The following AQP3 variants were observed in gnomAD, a reference collection of about 807,000 sequenced individuals.
AQP3 encodes aquaporin 3 (Gill blood group).
In AQP3, 15 loss-of-function variants were observed where a neutral mutation model predicts 30.3. The observed-to-expected ratio is 0.49, with a 90% CI of 0.33 to 0.76. The LOEUF is 0.76. AQP3 is among the 30% of genes least tolerant of loss of function. AQP3 has a pLI of 0.02. For missense variants in AQP3, 272 were observed against 384.8 expected (o/e 0.71, Z 2.45); for synonymous variants, 153 against 163.2 (o/e 0.94, Z 0.47).
intron 1 of AQP3, among the ~76,000 whole-genome samples, chr9:33,445,039 C>T (rs1003421658): frequency 6.6e-6 from 1 of 152,066 alleles, no homozygotes; most frequent in African/African-American, 2.4e-5. Context: ...GTGGCTCACA[C>T]CTGTAATCCC....
rs2118968897 is a variant in AQP3 at position 33,443,057 on chromosome 9, G to A, written c.374-87C>T. The A allele has an allele frequency of 1.5e-6, 2 of 1,297,256 alleles. No individual in the cohort carries two copies. The highest frequency in any genetic ancestry group is 1.5e-5 in the African/African-American group (1 of 68,288). The allele number at this position is 1,297,256 out of a possible 1,614,324, so 80.4% of individuals were successfully genotyped here. A position where few individuals can be genotyped will look rare whatever the true frequency, so the allele number is the denominator to read the frequency against. On this transcript the variant is annotated intron_variant, in intron 3 of 5. Coordinates refer to ENST00000297991, the MANE Select transcript of AQP3 (RefSeq NM_004925.5). This position sits in a 1 kb window ranked among gnomAD's most constrained non-coding sequence, Gnocchi z 5.0. Reference sequence around the variant, plus strand: ...AGGTGTGCCCTCCCCACCCTCCCATGAGTTATGGGTAAGTAGCAATACTGC... The same window carrying A: ...AGGTGTGCCCTCCCCACCCTCCCATAAGTTATGGGTAAGTAGCAATACTGC...
rs1826850373 is a variant in AQP3 at position 33,442,408 on chromosome 9, G to GACCAGGACC, written c.594_602dup (p.Val199_Val201dup). On this transcript the variant is annotated inframe_insertion, in exon 5 of 6. Coordinates refer to ENST00000297991, the MANE Select transcript of AQP3 (RefSeq NM_004925.5). ...AGTTGAAGCCCATGGAGGTGCCAAT[G>GACCAGGACC]ACCAGGACCACCAGGCCCACGGTGA... 1 of 1,611,734 alleles carries GACCAGGACC rather than the reference G, an allele frequency of 6.2e-7. No individual in the cohort carries two copies. Among genetic ancestry groups the GACCAGGACC allele is most frequent in the Non-Finnish European group, 8.5e-7 (1 of 1,179,344 alleles).
In AQP3 at chr9:33,443,059, G is replaced by T; in HGVS notation, c.374-89C>A. The stretch of plus-strand genomic sequence containing the variant: ...GTGTGCCCTCCCCACCCTCCCATGA[G>T]TTATGGGTAAGTAGCAATACTGCTG... On this transcript the variant is annotated intron_variant, in intron 3 of 5. Transcript: ENST00000297991. The surrounding 1 kb of genome is among the most constrained non-coding windows in gnomAD (Gnocchi z 5.0). 1.6e-6 allele frequency: 2 copies of T among 1,288,508 alleles called. No individual in the cohort carries two copies. Among genetic ancestry groups the T allele is most frequent in the South Asian group, 1.2e-5 (1 of 83,702 alleles). The allele number at this position is 1,288,508 out of a possible 1,614,324, so 79.8% of individuals were successfully genotyped here.
chr9:33,442,732 A>G, intron 4 of AQP3, 120 bp downstream of exon 4: 1 of 1,146,296 alleles, frequency 8.7e-7, no homozygotes, highest in South Asian at 1.2e-5. Context: ...GATGCGGGTT[A>G]CCCCACAGAT....
In AQP3 at chr9:33,442,108, G is replaced by C; in HGVS notation, c.814C>G (p.Pro272Ala). 7 of 1,613,822 alleles carry C rather than the reference G, an allele frequency of 4.3e-6. No homozygotes were observed. The highest frequency in any genetic ancestry group is 5.9e-6 in the Non-Finnish European group (7 of 1,180,030). The change falls in exon 6 of 6, where the codon CCC (proline) becomes GCC (alanine). Residue 272 changes from proline to alanine, a missense_variant. Physicochemically the swap from Pro to Ala is conservative, Grantham distance 27. This residue lies in a region of AQP3 where 51 missense variants were observed against 51.8 expected (regional missense o/e 0.98). Coordinates refer to ENST00000297991, the MANE Select transcript of AQP3 (RefSeq NM_004925.5). ...QLMIGCHLEQ[P>A]PPSNEEENVK... ...TTCTCTTCCTCGTTGGAGGGTGGGG[G>C]CTGCTCCAGGTGGCAGCCGATCATC...
At chr9:33,445,472 G>C (rs1826900916) in intron 1 of AQP3, among the ~76,000 whole-genome samples, 1 of 152,230 alleles carries the variant, frequency 6.6e-6, no homozygotes, top group Non-Finnish European at 1.5e-5. Flanking sequence ...GCAGGCAGGT[G>C]AGAGCAAAGA....
chr9:33,443,047 A>T lies in AQP3; in HGVS notation c.374-77T>A. 7.3e-7 allele frequency: 1 copy of T among 1,370,414 alleles called. No individual in the cohort carries two copies. The highest frequency in any genetic ancestry group is 1.2e-5 in the South Asian group (1 of 85,758). 84.9% of individuals were successfully genotyped at this position (1,370,414 alleles called of 1,614,324 possible). ...CTTCCCTCTCAGGTGTGCCCTCCCCACCCTCCCATGAGTTATGGGTAAGTA... is the reference window on the plus strand; with the variant it reads ...CTTCCCTCTCAGGTGTGCCCTCCCCTCCCTCCCATGAGTTATGGGTAAGTA... On this transcript the variant is annotated intron_variant, in intron 3 of 5. Coordinates refer to ENST00000297991, the MANE Select transcript of AQP3 (RefSeq NM_004925.5). This position sits in a 1 kb window ranked among gnomAD's most constrained non-coding sequence, Gnocchi z 5.0.
In AQP3 at chr9:33,443,036, G is replaced by C; in HGVS notation, c.374-66C>G. ...CTGAGCCCAGACTTCCCTCTCAGGT[G>C]TGCCCTCCCCACCCTCCCATGAGTT... On this transcript the variant is annotated intron_variant, in intron 3 of 5. Coordinates refer to ENST00000297991, the MANE Select transcript of AQP3 (RefSeq NM_004925.5). The surrounding 1 kb of genome is among the most constrained non-coding windows in gnomAD (Gnocchi z 5.0). 6.9e-7 allele frequency: 1 copy of C among 1,457,322 alleles called. No individual in the cohort carries two copies. Among genetic ancestry groups the C allele is most frequent in the East Asian group, 2.3e-5 (1 of 44,024 alleles). 90.3% of individuals were successfully genotyped at this position (1,457,322 alleles called of 1,614,324 possible).
chr9:33,444,439 A>T (rs1826886837), intron 1 of AQP3, among the ~76,000 whole-genome samples: 2 of 152,194 alleles, frequency 1.3e-5, no homozygotes, highest in South Asian at 4.1e-4. Flanking sequence ...ATCTCTACTA[A>T]AAGTACAAAA....
intron 1 of AQP3, among the ~76,000 whole-genome samples, chr9:33,447,192 G>A (rs1202522026): frequency 6.6e-6 from 1 of 152,204 alleles, no homozygotes; most frequent in Non-Finnish European, 1.5e-5. Context: ...CACTATCACT[G>A]GGGAGTAACA....
Position 33,447,409 on chromosome 9 carries a change from C to A in AQP3, c.108+14G>T, listed in dbSNP as rs551882387. On this transcript the variant is annotated intron_variant, in intron 1 of 5. Coordinates refer to ENST00000297991, the MANE Select transcript of AQP3 (RefSeq NM_004925.5). ...GCTGGAGAGAGAAGGGCTTCCCCGG[C>A]TCCCTCCACTCACCACCAGGATGAG... The A allele has an allele frequency of 1.3e-6, 2 of 1,578,790 alleles. No homozygotes were observed. Among genetic ancestry groups the A allele is most frequent in the South Asian group, 2.3e-5 (2 of 87,210 alleles).
At chr9:33,444,136 C>T (rs566587267) in intron 1 of AQP3, among the ~76,000 whole-genome samples, 2 of 152,304 alleles carry the variant, frequency 1.3e-5, no homozygotes, top group South Asian at 2.1e-4. Context: ...GCAGGGTCTG[C>T]GACTGGGATC....
rs2231226 is a variant in AQP3, at chr9:33,447,380, A to G, written c.108+43T>C. The G allele has an allele frequency of 9.0e-3, 13,504 of 1,503,586 alleles. 68 individuals carry two copies. Among genetic ancestry groups the G allele is most frequent in the Non-Finnish European group, 0.011 (12,244 of 1,099,696 alleles). The allele number at this position is 1,503,586 out of a possible 1,614,324, so 93.1% of individuals were successfully genotyped here. A position where few individuals can be genotyped will look rare whatever the true frequency, so the allele number is the denominator to read the frequency against. ...GGGGAAGTGAGAGTTTGGGGAGTGC[A>G]AGGGCTGGAGAGAGAAGGGCTTCCC... On this transcript the variant is annotated intron_variant, in intron 1 of 5. Coordinates refer to ENST00000297991, the MANE Select transcript of AQP3 (RefSeq NM_004925.5).
chr9:33,442,466 T>TA lies in AQP3; in HGVS notation c.544dup (p.Tyr182LeufsTer130). 3 of 1,611,492 alleles carry TA rather than the reference T, an allele frequency of 1.9e-6. No homozygotes were observed. Among genetic ancestry groups the TA allele is most frequent in the Non-Finnish European group, 2.5e-6 (3 of 1,179,312 alleles). ...CAGGCCTCGGGGGACGGGGTTGTTG[T>TA]AGGGGTCAACAATGGCCAGCACACA... On this transcript the variant is annotated frameshift_variant, in exon 5 of 6. Transcript: ENST00000297991. LOFTEE classifies it high-confidence loss of function.
rs1587197028 is a variant in AQP3, at chr9:33,442,183, T to G, written c.739A>C (p.Ile247Leu). ...TTGQHWWWVP[I>L]VSPLLGSIAG... ...ATGGAGCCCAGGAGTGGGGACACGA[T>G]GGGCACCCACCACCAATGCTGGCCG... The change falls in exon 6 of 6, where the codon ATC becomes CTC. Residue 247 changes from isoleucine (I) to leucine (L), a missense_variant. Transcript: ENST00000297991. 1 of 1,612,720 alleles carries G rather than the reference T, an allele frequency of 6.2e-7. No homozygotes were observed.
Position 33,442,238 on chromosome 9 carries a change from G to A in AQP3, c.711-27C>T, listed in dbSNP as rs1415856715. ...TGGGGGGACAGACACTCATAGTCAGGGACATGGGGGGCAGGGCAGAGGAGA... is the reference window on the plus strand; with the variant it reads ...TGGGGGGACAGACACTCATAGTCAGAGACATGGGGGGCAGGGCAGAGGAGA... On this transcript the variant is annotated intron_variant, in intron 5 of 5. Transcript: ENST00000297991. The A allele has an allele frequency of 1.9e-6, 3 of 1,612,050 alleles. No homozygotes were observed. The East Asian group carries it at 6.7e-5, about 36-fold the overall frequency.
chr9:33,443,367 C>T lies in AQP3; in HGVS notation c.327G>A (p.Thr109=), dbSNP rs936652223. ...TTCCAGCACCCAAGAAGGCTCCCAGCGTCTGTGCCAGGGTGTAGATGGGCA... is the reference window on the plus strand; with the variant it reads ...TTCCAGCACCCAAGAAGGCTCCCAGTGTCTGTGCCAGGGTGTAGATGGGCA... The part of the protein sequence containing the change: ...IKLPIYTLAQ[T]LGAFLGAGIV... The change falls in exon 3 of 6, where the codon ACG becomes ACA. Residue 109 remains threonine (T), a synonymous_variant. Transcript: ENST00000297991. The surrounding 1 kb of genome is among the most constrained non-coding windows in gnomAD (Gnocchi z 5.0). 17 of 1,597,488 alleles carry T rather than the reference C, an allele frequency of 1.1e-5. No homozygotes were observed. Among genetic ancestry groups the T allele is most frequent in the Admixed American group, 8.7e-5 (5 of 57,266 alleles).
At chr9:33,445,484 C>T (rs991703559) in intron 1 of AQP3, among the ~76,000 whole-genome samples, 5 of 152,180 alleles carry the variant, frequency 3.3e-5, no homozygotes, top group African/African-American at 1.2e-4. Context: ...GAGCAAAGAT[C>T]AGAGATTGCA....
chr9:33,447,181 G>C (rs1270000093), intron 1 of AQP3, among the ~76,000 whole-genome samples: 1 of 152,240 alleles, frequency 6.6e-6, no homozygotes, highest in Non-Finnish European at 1.5e-5. Flanking sequence ...TAAACGATCG[G>C]CACTATCACT....
Sources: gnomAD v4.1 joint callset for allele counts (sites outside exome capture counted in the v4.1 genomes callset) on GRCh38, gnomAD v4.1.1 for gene constraint, gnomAD v4.1.1 regional missense constraint, Gnocchi (gnomAD v3.1) non-coding constraint, MANE v1.5 for transcripts, NCBI Gene and HGNC (gene_info 2026-07-23, HGNC 2026-07-21) for gene names.